The following KIF6 variants were observed in gnomAD, a reference collection of about 807,000 sequenced individuals.
KIF6 encodes kinesin-like protein KIF6.
KIF6 carries 106 observed loss-of-function variants against 112.7 expected under a neutral mutation model. The observed-to-expected ratio is 0.94, with a 90% confidence interval of 0.80 to 1.11. The LOEUF is 1.11. Ranked by LOEUF, KIF6 falls within the 50% of genes least tolerant of loss-of-function variation. The pLI is 0.00. For missense variants in KIF6, 929 were observed against 964.0 expected (o/e 0.96, Z 0.48); for synonymous variants, 339 against 339.9 (o/e 1.00, Z 0.03).
intron 13 of KIF6, among the ~76,000 whole-genome samples, chr6:39,480,194 G>T (rs1259791937): frequency 6.6e-6 from 1 of 152,048 alleles, no homozygotes; most frequent in African/African-American, 2.4e-5. Context: ...GGTTTGTCAT[G>T]GATGGCTTTT....
At chr6:39,494,071 C>CATTA (rs1775633181) in intron 13 of KIF6, among the ~76,000 whole-genome samples, 1 of 152,202 alleles carries the variant, frequency 6.6e-6, no homozygotes, top group Non-Finnish European at 1.5e-5. Context: ...CCTCTTTAAT[C>CATTA]CTTTAGGGAA....
chr6:39,351,609 CCT>C (rs147195079), intron 19 of KIF6, among the ~76,000 whole-genome samples: 10 of 150,806 alleles, frequency 6.6e-5, no homozygotes, highest in South Asian at 2.1e-4. Context: ...CACACCTGCC[CCT>C]CTCTCTCTCT....
chr6:39,517,435 T>C (rs1777147319), intron 13 of KIF6, among the ~76,000 whole-genome samples: 1 of 152,200 alleles, frequency 6.6e-6, no homozygotes, highest in South Asian at 2.1e-4. Flanking sequence ...TAACAAAGAT[T>C]GAAGGGAATC....
At chr6:39,626,855 A>G (rs566524591) in intron 5 of KIF6, among the ~76,000 whole-genome samples, 79 of 152,170 alleles carry the variant, frequency 5.2e-4, no homozygotes, top group Admixed American at 7.2e-4. Flanking sequence ...ACTTAGTTAA[A>G]TTTCAAGCCA....
chr6:39,724,058 AT>A (rs1790387205), intron 1 of KIF6, among the ~76,000 whole-genome samples: 1 of 152,196 alleles, frequency 6.6e-6, no homozygotes. Flanking sequence ...ATGAGAGATA[AT>A]GCAGATAAAG....
intron 16 of KIF6, among the ~76,000 whole-genome samples, chr6:39,380,763 C>A (rs4714249): frequency 0.43 from 65,644 of 152,054 alleles, 15,045 homozygotes; most frequent in Admixed American, 0.52. Context: ...AGAGAGGCAC[C>A]GCAGCACCTC....
chr6:39,403,358 C>T (rs925690722), intron 15 of KIF6, among the ~76,000 whole-genome samples: 1 of 152,036 alleles, frequency 6.6e-6, no homozygotes, highest in African/African-American at 2.4e-5. Flanking sequence ...CCCTGCCCTG[C>T]ATTGTGGAAG....
chr6:39,569,820 C>T (rs1368791158), intron 10 of KIF6, among the ~76,000 whole-genome samples: 1 of 152,206 alleles, frequency 6.6e-6, no homozygotes, highest in African/African-American at 2.4e-5. Context: ...TGGCACACCA[C>T]CTTCCTGAGG....
chr6:39,621,686 C>T (rs926942705), intron 5 of KIF6, among the ~76,000 whole-genome samples: 6 of 152,184 alleles, frequency 3.9e-5, no homozygotes, highest in African/African-American at 1.4e-4. Context: ...CAATAAATAG[C>T]AACTTCCTTG....
intron 3 of KIF6, among the ~76,000 whole-genome samples, chr6:39,709,906 A>C (rs1222921814): frequency 6.6e-6 from 1 of 152,210 alleles, no homozygotes; most frequent in Non-Finnish European, 1.5e-5. Flanking sequence ...TTTGATTTTC[A>C]ATGTATGGGG....
intron 3 of KIF6, among the ~76,000 whole-genome samples, chr6:39,686,830 A>C (rs1372435573): frequency 6.6e-6 from 1 of 152,218 alleles, no homozygotes; most frequent in East Asian, 1.9e-4. Context: ...TTGAGCTCCT[A>C]GAAACCAATT....
At chr6:39,455,070 C>T (rs1489799716) in intron 13 of KIF6, among the ~76,000 whole-genome samples, 11 of 151,012 alleles carry the variant, frequency 7.3e-5, no homozygotes, top group African/African-American at 2.7e-4. Context: ...GGGGGCAGGG[C>T]ACAGACAAAC....
intron 13 of KIF6, among the ~76,000 whole-genome samples, chr6:39,468,334 C>A (rs1444011533): frequency 6.6e-6 from 1 of 151,858 alleles, no homozygotes; most frequent in African/African-American, 2.4e-5. Context: ...GCAAAAACAC[C>A]CCAAATTTGA....
At chr6:39,460,162 G>A (rs1186682853) in intron 13 of KIF6, among the ~76,000 whole-genome samples, 1 of 141,060 alleles carries the variant, frequency 7.1e-6, no homozygotes, top group Non-Finnish European at 1.5e-5. Context: ...AAGAAAATGT[G>A]GCACATATAC....
In KIF6 at chr6:39,583,135, AAAACAAAC is replaced by A. The variant is rs560656796; in HGVS notation, c.1077+1755_1077+1762del. On this transcript the variant is annotated intron_variant, in intron 9 of 22. Transcript: ENST00000287152. Reference sequence around the variant, plus strand: ...AAGAAAAATCTCTAGCCAAATGCAAAAAACAAACAAACAAACAAACAAACAAAAACAAA... The same window carrying A: ...AAGAAAAATCTCTAGCCAAATGCAAAAAACAAACAAACAAACAAAAACAAA... 71 of 259,322 alleles carry A rather than the reference AAAACAAAC, an allele frequency of 2.7e-4. 1 individual carries two copies. The highest frequency in any genetic ancestry group is 2.7e-3 in the South Asian group (58 of 21,690). The allele number at this position is 259,322 out of a possible 1,614,324, so 16.1% of individuals were successfully genotyped here. A position where few individuals can be genotyped will look rare whatever the true frequency, so the allele number is the denominator to read the frequency against.
intron 13 of KIF6, among the ~76,000 whole-genome samples, chr6:39,529,686 G>C (rs890237657): frequency 1.3e-5 from 2 of 152,044 alleles, no homozygotes; most frequent in African/African-American, 4.8e-5. Flanking sequence ...ACTTGGGAGG[G>C]TGAGGCAGGA....
chr6:39,390,591 A>T lies in KIF6; in HGVS notation c.1811-4919T>A, dbSNP rs116257728. On this transcript the variant is annotated intron_variant, in intron 15 of 22. Coordinates refer to ENST00000287152, the MANE Select transcript of KIF6 (RefSeq NM_145027.6). ...GGCTGGGGAAGACTAAGTTGTATTC[A>T]TACTGGAGTCTGGGGTCCTGGGTAA... Among the ~76,000 whole-genome samples, 880 of 152,232 alleles carry T rather than the reference A, an allele frequency of 5.8e-3. 11 individuals are homozygous for T. The highest frequency in any genetic ancestry group is 0.02 in the African/African-American group (820 of 41,522).
chr6:39,628,146 T>A (rs1784180580), intron 5 of KIF6, among the ~76,000 whole-genome samples: 1 of 152,110 alleles, frequency 6.6e-6, no homozygotes, highest in African/African-American at 2.4e-5. Flanking sequence ...AATTGTAACA[T>A]CTTGCAAAAC....
chr6:39,558,563 C>T (rs1357897336), intron 10 of KIF6, among the ~76,000 whole-genome samples: 1 of 152,096 alleles, frequency 6.6e-6, no homozygotes, highest in Non-Finnish European at 1.5e-5. Context: ...TGAAGGGTCC[C>T]ATTTCTTGTT....
Sources: allele counts gnomAD v4.1 joint callset (sites outside exome capture counted in the v4.1 genomes callset), GRCh38; gene constraint gnomAD v4.1.1; transcripts MANE v1.5; gene names NCBI Gene and HGNC (gene_info 2026-07-23, HGNC 2026-07-21).